Variants in LARP7 observed in about 807,000 individuals in gnomAD.
LARP7 encodes the protein La ribonucleoprotein 7, transcriptional regulator.
LARP7 carries 52 observed loss-of-function variants against 69.3 expected under a neutral mutation model. That is an observed-to-expected ratio of 0.75 (90% CI 0.60 to 0.95). The LOEUF is 0.95. Among genes scored for constraint, LARP7 ranks in the 40% least tolerant of loss-of-function variants. The pLI, the probability that LARP7 is intolerant of heterozygous loss-of-function variation, is 0.00. For synonymous variants in LARP7, 254 were observed against 215.9 expected, an observed-to-expected ratio of 1.18 and a Z score of -1.55; for missense variants, 733 against 673.0, an observed-to-expected ratio of 1.09 and a Z score of -0.99.
intron 12 of LARP7, among the ~76,000 whole-genome samples, chr4:112,656,776 A>C (rs2048972692): frequency 6.6e-6 from 1 of 152,216 alleles, no homozygotes; most frequent in South Asian, 2.1e-4. Context: ...AGTTTAATCT[A>C]AAAGTGAATT....
At chr4:112,639,538 CT>C (rs11396887) in intron 1 of LARP7, among the ~76,000 whole-genome samples, 38 of 147,758 alleles carry the variant, frequency 2.6e-4, no homozygotes, top group Admixed American at 3.4e-4. Flanking sequence ...CCAAGTGTTA[CT>C]TTTTTTTTTT....
chr4:112,653,065 ACT>A lies in LARP7; in HGVS notation c.1417-9_1417-8del, dbSNP rs1330149597. On this transcript the variant is annotated splice_polypyrimidine_tract_variant and intron_variant, in intron 10 of 12. Coordinates refer to ENST00000344442, the MANE Select transcript of LARP7 (RefSeq NM_016648.4). ...TAAATTTTATTTGTCTTTCTACTTA[ACT>A]CTAATGCAGGATACTTTGGCAGCAA... The A allele has an allele frequency of 1.9e-6, 3 of 1,567,288 alleles. No homozygotes were observed. In the Admixed American group the frequency reaches 6.4e-5, roughly 33 times the overall value.
chr4:112,654,131 C>T lies in LARP7; in HGVS notation c.1640C>T (p.Pro547Leu). The part of the protein sequence containing the change: ...LVDRQAKLNQ[P>L]REKKRGTEKL... ...GATAGACAGGCAAAACTTAATCAGC[C>T]TCGGGAAAAGAAAAGAGGCACTGAA... Residue 547 changes from proline (P) to leucine (L), a missense_variant, in exon 12 of 13, where the codon CCT (proline) becomes CTT (leucine). Physicochemically the swap from Pro to Leu is moderately conservative, Grantham distance 98. Transcript: ENST00000344442. The T allele has an allele frequency of 1.2e-6, 2 of 1,613,702 alleles. No homozygotes were observed. Among genetic ancestry groups the T allele is most frequent in the African/African-American group, 1.3e-5 (1 of 75,006 alleles).
chr4:112,640,839 T>C (rs2047932129), intron 1 of LARP7, among the ~76,000 whole-genome samples: 1 of 152,020 alleles, frequency 6.6e-6, no homozygotes, highest in Admixed American at 6.6e-5. Flanking sequence ...GAGGTAAGTC[T>C]CTCTAAGAAG....
rs768326322 is a variant in LARP7, at chr4:112,657,533, T to C, written c.*206T>C. 80 of 328,678 alleles carry C rather than the reference T, an allele frequency of 2.4e-4. No homozygotes were observed. The highest frequency in any genetic ancestry group is 3.6e-4 in the Non-Finnish European group (65 of 179,182). 20.4% of individuals were successfully genotyped at this position (328,678 alleles called of 1,614,324 possible). A position where few individuals can be genotyped will look rare whatever the true frequency, so the allele number is the denominator to read the frequency against. ...TCTTAAACATTTTATTTGTTGAAAT[T>C]ATCTTAGATGTCAGTGTCAGGTGAT... On this transcript the variant is annotated 3_prime_UTR_variant, in exon 13 of 13. Transcript: ENST00000344442.
At chr4:112,642,613 GAA>G (rs1335861056) in intron 1 of LARP7, among the ~76,000 whole-genome samples, 2 of 152,188 alleles carry the variant, frequency 1.3e-5, no homozygotes, top group African/African-American at 4.8e-5. Context: ...GCTTACCAAA[GAA>G]GAGTCAAGGC....
Position 112,646,212 on chromosome 4 carries a change from C to T in LARP7, c.203-139C>T, listed in dbSNP as rs1169060736. 5 of 466,784 alleles carry T rather than the reference C, an allele frequency of 1.1e-5. No individual in the cohort carries two copies. In the Admixed American group the frequency reaches 1.2e-4, roughly 11 times the overall value. 28.9% of individuals were successfully genotyped at this position (466,784 alleles called of 1,614,324 possible). A position where few individuals can be genotyped will look rare whatever the true frequency, so the allele number is the denominator to read the frequency against. The stretch of plus-strand genomic sequence containing the variant: ...CAGGCTGGTCTTGAACTCCCCCATC[C>T]ACCCGCCTTGGCCTCCCAAAGTACT... On this transcript the variant is annotated intron_variant, in intron 2 of 12. Transcript: ENST00000344442.
At position 112,647,399 on chromosome 4, in the gene LARP7, G is replaced by T; in HGVS notation, c.847G>T (p.Glu283Ter). ...SKKKKKRDRV[E>*]ASSLPEVRTG... The stretch of plus-strand genomic sequence containing the variant: ...GAAAAAGAAAAAACGGGACAGAGTT[G>T]AAGCATCTAGCTTACCTGAAGTCAG... The change falls in exon 7 of 13, where the codon GAA (glutamate) becomes TAA (stop). Residue 283 changes from glutamate (E) to a stop codon, truncating the protein, a stop_gained. Coordinates refer to ENST00000344442, the MANE Select transcript of LARP7 (RefSeq NM_016648.4). LOFTEE classifies it high-confidence loss of function. 1 of 1,614,086 alleles carries T rather than the reference G, an allele frequency of 6.2e-7. No homozygotes were observed. Among genetic ancestry groups the T allele is most frequent in the Non-Finnish European group, 8.5e-7 (1 of 1,180,018 alleles).
rs758628046 is a variant in LARP7, at chr4:112,644,860, C to G, written c.191C>G (p.Ser64Cys). Reference protein sequence around the residue: ...DRFLREQIEKSRDGYVDISLL... With the variant: ...DRFLREQIEKCRDGYVDISLL... The stretch of plus-strand genomic sequence containing the variant: ...TTTCTTCGAGAACAGATAGAAAAAT[C>G]TAGAGATGGATGTAAGTTTGCTTCA... Residue 64 changes from serine to cysteine, a missense_variant, in exon 2 of 13, where the codon TCT becomes TGT. Ser to Cys is a moderately radical substitution (Grantham distance 112). Transcript: ENST00000344442. The G allele has an allele frequency of 6.4e-7, 1 of 1,569,556 alleles. No homozygotes were observed.
At chr4:112,648,759 G>T in intron 8 of LARP7, 1 of 261,494 alleles carries the variant, frequency 3.8e-6, no homozygotes, top group Non-Finnish European at 7.9e-6. Flanking sequence ...AATTCCTTTT[G>T]CCTTTTTATC....
chr4:112,647,204 A>T lies in LARP7; in HGVS notation c.652A>T (p.Lys218Ter). The T allele has an allele frequency of 3.1e-6, 5 of 1,589,252 alleles. No individual in the cohort carries two copies. Among genetic ancestry groups the T allele is most frequent in the Non-Finnish European group, 4.3e-6 (5 of 1,173,316 alleles). Residue 218 changes from lysine (K) to a stop codon, truncating the protein, a stop_gained, in exon 7 of 13, where the codon AAG (lysine) becomes TAG (stop). Transcript: ENST00000344442. LOFTEE classifies it high-confidence loss of function. ...TAATGATGGCACTTTTACAGAAGAG[A>T]AGAAAAAGAAAAAGAAGAAGAAAGG... ...PIPALRVVEE[K>*]KKKKKKKGRM...
At chr4:112,648,597 G>A (rs1489536765) in intron 8 of LARP7, 1 of 472,784 alleles carries the variant, frequency 2.1e-6, no homozygotes, top group African/African-American at 2.0e-5. Flanking sequence ...AGAGTATTTA[G>A]AGCTGAGGAG....
intron 12 of LARP7, among the ~76,000 whole-genome samples, chr4:112,656,537 T>C (rs1340735401): frequency 6.6e-6 from 1 of 152,244 alleles, no homozygotes; most frequent in Non-Finnish European, 1.5e-5. Flanking sequence ...CTTTGTAGTA[T>C]GCCCTATGAT....
chr4:112,654,123 T>G lies in LARP7; in HGVS notation c.1632T>G (p.Leu544=). Residue 544 remains leucine, a synonymous_variant, in exon 12 of 13, where the codon CTT becomes CTG. Coordinates refer to ENST00000344442, the MANE Select transcript of LARP7 (RefSeq NM_016648.4). The part of the protein sequence containing the change: ...QKILVDRQAK[L]NQPREKKRGT... The stretch of plus-strand genomic sequence containing the variant: ...TTTTGGTTGATAGACAGGCAAAACT[T>G]AATCAGCCTCGGGAAAAGAAAAGAG... 6.2e-7 allele frequency: 1 copy of G among 1,613,932 alleles called. No individual in the cohort carries two copies. Among genetic ancestry groups the G allele is most frequent in the South Asian group, 1.1e-5 (1 of 91,086 alleles).
At chr4:112,648,078 C>A (rs772091925) in intron 8 of LARP7, 4 of 614,576 alleles carry the variant, frequency 6.5e-6, no homozygotes, top group South Asian at 5.5e-5. Context: ...GAGGGGGCCC[C>A]TTAACAGATG....
chr4:112,650,413 T>A, intron 9 of LARP7, 48 bp from the exon 10 acceptor site: 2 of 1,595,796 alleles, frequency 1.3e-6, no homozygotes, highest in Non-Finnish European at 1.7e-6. Context: ...ATTAAATTGT[T>A]GTTAAGTGTA....
intron 10 of LARP7, among the ~76,000 whole-genome samples, chr4:112,650,878 G>A (rs1364045512): frequency 1.3e-5 from 2 of 151,948 alleles, no homozygotes; most frequent in Non-Finnish European, 2.9e-5. Flanking sequence ...TATTACCTAT[G>A]TGCTGATTAT....
Position 112,646,970 on chromosome 4 carries a change from TAAAAAAAAA to T in LARP7, c.552+20_552+28del. 1 of 1,384,816 alleles carries T rather than the reference TAAAAAAAAA, an allele frequency of 7.2e-7. No homozygotes were observed. Among genetic ancestry groups the T allele is most frequent in the Non-Finnish European group, 9.8e-7 (1 of 1,025,356 alleles). The allele number at this position is 1,384,816 out of a possible 1,614,324, so 85.8% of individuals were successfully genotyped here. On this transcript the variant is annotated intron_variant, in intron 5 of 12. Coordinates refer to ENST00000344442, the MANE Select transcript of LARP7 (RefSeq NM_016648.4). ...AAGCAATTGAGGTAAGTCCAGATCC[TAAAAAAAAA>T]AAAAGAAAGAAAAGAAAACAAGTAT...
At chr4:112,648,249 T>C (rs1480954687) in intron 8 of LARP7, 1 of 531,472 alleles carries the variant, frequency 1.9e-6, no homozygotes, top group South Asian at 1.4e-5. Context: ...GTTTAAGTGG[T>C]GGGGAGCCCA....
Sources: allele counts gnomAD v4.1 joint callset (sites outside exome capture counted in the v4.1 genomes callset), GRCh38; gene constraint gnomAD v4.1.1; transcripts MANE v1.5; gene names NCBI Gene and HGNC (gene_info 2026-07-23, HGNC 2026-07-21).